OCA2: variants seen among roughly 807,000 people sequenced by gnomAD.
OCA2 encodes OCA2 melanosomal transmembrane protein.
In OCA2, 77 loss-of-function variants were observed where a neutral mutation model predicts 100.2. The ratio of observed to expected loss-of-function variants is 0.77; its 90% CI spans 0.64 to 0.93. OCA2 has a LOEUF of 0.93. OCA2 is among the 40% of genes least tolerant of loss of function. The pLI is 0.00. For synonymous variants in OCA2, 432 were observed against 439.2 expected (o/e 0.98, Z 0.21); for missense variants, 1,062 against 1,089.1 (o/e 0.98, Z 0.35).
In OCA2 at chr15:27,935,020, C is replaced by T. The variant is rs2039402543; in HGVS notation, c.1952-8766G>A. The stretch of plus-strand genomic sequence containing the variant: ...GCAGCCCCGGTCCCTGTGAGCAATG[C>T]TCCAGGCTGCTCTGCTCAGCACCGG... On this transcript the variant is annotated intron_variant, in intron 18 of 23. Transcript: ENST00000354638. Among the ~76,000 whole-genome samples, 3 of 152,174 alleles carry T rather than the reference C, an allele frequency of 2.0e-5. No individual in the cohort carries two copies. In the South Asian group the frequency reaches 6.2e-4, roughly 32 times the overall value.
At chr15:28,061,577 G>C (rs536610460) in intron 2 of OCA2, among the ~76,000 whole-genome samples, 30 of 152,240 alleles carry the variant, frequency 2.0e-4, no homozygotes, top group Admixed American at 1.6e-3. Context: ...AATGGAATTA[G>C]TGTCCATATT....
chr15:27,752,436 G>A (rs536693980), downstream of OCA2, among the ~76,000 whole-genome samples: 49 of 152,230 alleles, frequency 3.2e-4, 1 homozygote, highest in African/African-American at 1.1e-3. Flanking sequence ...GGGCAAGCTC[G>A]CGTGGTCTCT....
At chr15:27,771,277 C>T (rs1001665386) in intron 23 of OCA2, among the ~76,000 whole-genome samples, 1 of 151,992 alleles carries the variant, frequency 6.6e-6, no homozygotes, top group Non-Finnish European at 1.5e-5. Context: ...ACCGCGGTCC[C>T]GCCAAGGTCA....
rs183660479 is a variant in OCA2, at chr15:27,908,213, T to C, written c.2079+17914A>G. Among the ~76,000 whole-genome samples the C allele has an allele frequency of 1.8e-4, 27 of 152,188 alleles. No homozygotes were observed. The East Asian group carries it at 4.8e-3, about 27-fold the overall frequency. ...AGATAATTCATTCCAGAATTCAAGGTTGGTTCAATATTAGGAAATTCATTA... is the reference window on the plus strand; with the variant it reads ...AGATAATTCATTCCAGAATTCAAGGCTGGTTCAATATTAGGAAATTCATTA... On this transcript the variant is annotated intron_variant, in intron 19 of 23. Coordinates refer to ENST00000354638, the MANE Select transcript of OCA2 (RefSeq NM_000275.3).
At chr15:27,949,520 G>A (rs1433746668) in intron 18 of OCA2, among the ~76,000 whole-genome samples, 3 of 152,072 alleles carry the variant, frequency 2.0e-5, no homozygotes, top group South Asian at 2.1e-4. Context: ...AAAATTAGCC[G>A]GGTGTGGTGG....
intron 1 of OCA2, among the ~76,000 whole-genome samples, chr15:28,084,760 T>C (rs2044746942): frequency 6.6e-6 from 1 of 152,188 alleles, no homozygotes; most frequent in Non-Finnish European, 1.5e-5. Flanking sequence ...GCAAGAAGTT[T>C]ATGGTGTTTT....
At chr15:27,870,430 G>A (rs1316361799) in intron 21 of OCA2, among the ~76,000 whole-genome samples, 1 of 152,140 alleles carries the variant, frequency 6.6e-6, no homozygotes, top group Non-Finnish European at 1.5e-5. Flanking sequence ...CCCAGTTCCT[G>A]CCCTGAGCCA....
At chr15:27,726,313 AAAT>A in the OCA2 span, among the ~76,000 whole-genome samples, 1 of 127,934 alleles carries the variant, frequency 7.8e-6, no homozygotes. Context: ...ATAAATAAAT[AAAT>A]AAATAAATAA....
At chr15:27,908,915 A>G (rs899709342) in intron 19 of OCA2, among the ~76,000 whole-genome samples, 27 of 152,322 alleles carry the variant, frequency 1.8e-4, no homozygotes, top group African/African-American at 6.5e-4. Context: ...TAGTTAGATA[A>G]TGGTGGGAAT....
chr15:27,808,207 T>C (rs970875990), intron 23 of OCA2, among the ~76,000 whole-genome samples: 4 of 152,316 alleles, frequency 2.6e-5, no homozygotes, highest in South Asian at 2.1e-4. Flanking sequence ...AAGCCCACAT[T>C]TGTGGGAGGA....
chr15:27,723,515 A>G, the OCA2 span, among the ~76,000 whole-genome samples: 3 of 151,928 alleles, frequency 2.0e-5, no homozygotes, highest in Non-Finnish European at 2.9e-5. Context: ...GAGAGACAGA[A>G]GGGCACCCCC....
chr15:27,791,310 G>A (rs1451247777), intron 23 of OCA2, among the ~76,000 whole-genome samples: 1 of 152,174 alleles, frequency 6.6e-6, no homozygotes, highest in Non-Finnish European at 1.5e-5. Context: ...CTCTTAATGA[G>A]TAGGATCCTA....
intron 14 of OCA2, among the ~76,000 whole-genome samples, chr15:27,978,162 A>G (rs1187802649): frequency 6.6e-6 from 1 of 152,200 alleles, no homozygotes; most frequent in Non-Finnish European, 1.5e-5. Context: ...CACAGAAAAT[A>G]TTTTATATTA....
Position 27,754,921 on chromosome 15 carries a change from G to A in OCA2, c.*467C>T, listed in dbSNP as rs1333783938. ...TTTAATACATAAAATGTTTCCTTAC[G>A]AGCAGTAAACCTTTTCCCAGAAAGT... On this transcript the variant is annotated 3_prime_UTR_variant, in exon 24 of 24. Coordinates refer to ENST00000354638, the MANE Select transcript of OCA2 (RefSeq NM_000275.3). 1.0e-5 allele frequency: 2 copies of A among 191,990 alleles called. No homozygotes were observed. The highest frequency in any genetic ancestry group is 2.3e-5 in the African/African-American group (1 of 43,474). 11.9% of individuals were successfully genotyped at this position (191,990 alleles called of 1,614,324 possible). A position where few individuals can be genotyped will look rare whatever the true frequency, so the allele number is the denominator to read the frequency against.
At chr15:27,814,381 G>C (rs76680820) in intron 23 of OCA2, among the ~76,000 whole-genome samples, 3,168 of 152,256 alleles carry the variant, frequency 0.021, 102 homozygotes, top group African/African-American at 0.071. Flanking sequence ...GATGTCCATT[G>C]ACAAAAGACT....
At chr15:27,831,983 C>T (rs1409854790) in intron 23 of OCA2, among the ~76,000 whole-genome samples, 8 of 151,698 alleles carry the variant, frequency 5.3e-5, no homozygotes, top group South Asian at 2.1e-4. Context: ...CGTGCTCAGG[C>T]GCCTTCTCTC....
At chr15:28,022,435 C>T in intron 6 of OCA2, 66 bp downstream of exon 6, 8 of 1,164,568 alleles carry the variant, frequency 6.9e-6, no homozygotes, top group South Asian at 1.2e-5. Context: ...CAACCGTCTG[C>T]AAGTGTCTCC....
rs146929432 is a variant in OCA2, at chr15:27,892,917, G to C, written c.2080-20995C>G. On this transcript the variant is annotated intron_variant, in intron 19 of 23. Coordinates refer to ENST00000354638, the MANE Select transcript of OCA2 (RefSeq NM_000275.3). ...TTTCAGACATTAAAATGATAATAAA[G>C]GAATATTATCAACAACTTTACGCTC... is the stretch of plus-strand genomic sequence containing the variant. Among the ~76,000 whole-genome samples, 4 of 152,120 alleles carry C rather than the reference G, an allele frequency of 2.6e-5. No homozygotes were observed. The East Asian group carries it at 7.8e-4, about 29-fold the overall frequency.
chr15:27,889,596 C>T (rs189912305), intron 19 of OCA2, among the ~76,000 whole-genome samples: 3 of 152,334 alleles, frequency 2.0e-5, no homozygotes, highest in Admixed American at 2.0e-4. Flanking sequence ...AGTGTATCAG[C>T]CAGTGCCCAT....
Sources: gnomAD v4.1 joint callset for allele counts (sites outside exome capture counted in the v4.1 genomes callset) on GRCh38, gnomAD v4.1.1 for gene constraint, MANE v1.5 for transcripts, NCBI Gene and HGNC (gene_info 2026-07-23, HGNC 2026-07-21) for gene names.